Variants in INTS15 observed in about 807,000 individuals in gnomAD.
INTS15 encodes the protein integrator complex subunit 15, also known as uncharacterized protein C7orf26.
the INTS15 span, among the ~76,000 whole-genome samples, chr7:6,598,910 C>T: frequency 3.6e-4 from 54 of 152,092 alleles, no homozygotes; most frequent in African/African-American, 1.3e-3. Flanking sequence ...CCTCAGCCTC[C>T]TGAATAGCTG....
the INTS15 span, among the ~76,000 whole-genome samples, chr7:6,599,264 G>T: frequency 6.6e-6 from 1 of 152,160 alleles, no homozygotes. Context: ...GTTCTTCTCT[G>T]TCTGGGCCAC....
At chr7:6,607,822 C>T in the INTS15 span, 2,008 of 1,499,528 alleles carry the variant, frequency 1.3e-3, 9 homozygotes, top group Middle Eastern at 0.012. This position sits in a 1 kb window ranked among gnomAD's most constrained non-coding sequence, Gnocchi z 6.0. Flanking sequence ...CCGTGTCCAC[C>T]GCCTGGACCC....
At chr7:6,593,224 T>C in the INTS15 span, among the ~76,000 whole-genome samples, 69 of 152,218 alleles carry the variant, frequency 4.5e-4, 1 homozygote, top group East Asian at 0.012. Context: ...TTCCTTCTAG[T>C]GCAAGAACAG....
the INTS15 span, chr7:6,602,837 C>T: frequency 5.2e-5 from 23 of 441,880 alleles, no homozygotes; most frequent in African/African-American, 3.0e-4. Flanking sequence ...GGTCAGCTTC[C>T]CTGCCTTCTG....
chr7:6,607,865 C>G, the INTS15 span: 8 of 1,548,638 alleles, frequency 5.2e-6, no homozygotes, highest in Non-Finnish European at 6.9e-6. The surrounding 1 kb of genome is among the most constrained non-coding windows in gnomAD (Gnocchi z 6.0). Context: ...GGTGCCTCTC[C>G]TGGGCGGGGT....
the INTS15 span, among the ~76,000 whole-genome samples, chr7:6,595,679 A>C: frequency 1.3e-5 from 2 of 151,732 alleles, no homozygotes; most frequent in African/African-American, 4.8e-5. Context: ...ACTTTCTTTA[A>C]TTTTTTTTAC....
At chr7:6,590,672 G>C in the INTS15 span, among the ~76,000 whole-genome samples, 1 of 152,206 alleles carries the variant, frequency 6.6e-6, no homozygotes, top group Non-Finnish European at 1.5e-5. Context: ...TCCAGTCTGC[G>C]GGGCGTGTGA....
chr7:6,590,408 A>G, the INTS15 span: 3 of 1,606,072 alleles, frequency 1.9e-6, no homozygotes, highest in Non-Finnish European at 2.5e-6. Flanking sequence ...ATCGTGGACA[A>G]GGGCCCCGTG....
At chr7:6,604,049 G>T in the INTS15 span, among the ~76,000 whole-genome samples, 2 of 152,040 alleles carry the variant, frequency 1.3e-5, no homozygotes, top group South Asian at 4.1e-4. Context: ...ACTAGTACTT[G>T]GCCTGTAGTG....
chr7:6,597,299 GTT>G, the INTS15 span, among the ~76,000 whole-genome samples: 24 of 142,978 alleles, frequency 1.7e-4, no homozygotes, highest in African/African-American at 5.9e-4. Flanking sequence ...TGGCTTTTTG[GTT>G]TTTTTTTTTT....
the INTS15 span, among the ~76,000 whole-genome samples, chr7:6,596,821 C>G: frequency 6.6e-6 from 1 of 150,580 alleles, no homozygotes; most frequent in African/African-American, 2.4e-5. Context: ...CTCGCTCTGT[C>G]GCCCAGGCTG....
At chr7:6,603,460 C>T in the INTS15 span, among the ~76,000 whole-genome samples, 51 of 147,966 alleles carry the variant, frequency 3.4e-4, no homozygotes, top group African/African-American at 1.3e-3. Flanking sequence ...GGCTGGAGAA[C>T]CACTTGAACC....
chr7:6,606,283 C>A, the INTS15 span, among the ~76,000 whole-genome samples: 1 of 152,224 alleles, frequency 6.6e-6, no homozygotes, highest in Non-Finnish European at 1.5e-5. Flanking sequence ...TGTTTACTGC[C>A]TCAGCCCCTC....
chr7:6,594,281 C>A, the INTS15 span: 1 of 711,628 alleles, frequency 1.4e-6, no homozygotes, highest in Non-Finnish European at 2.3e-6. Flanking sequence ...GTTGGGATTA[C>A]AGATATGAGC....
At chr7:6,593,261 C>T in the INTS15 span, among the ~76,000 whole-genome samples, 2 of 151,658 alleles carry the variant, frequency 1.3e-5, no homozygotes, top group African/African-American at 2.4e-5. Context: ...AACGAATAAG[C>T]GCGATCACGT....
At chr7:6,598,746 T>TGC in the INTS15 span, among the ~76,000 whole-genome samples, 1 of 96,562 alleles carries the variant, frequency 1.0e-5, no homozygotes, top group African/African-American at 6.3e-5. Flanking sequence ...TGTGTGTGTG[T>TGC]GTGTGTGTGT....
the INTS15 span, chr7:6,601,970 T>C: frequency 1.2e-6 from 1 of 812,828 alleles, no homozygotes; most frequent in Non-Finnish European, 2.1e-6. Context: ...ACTCAGTTTC[T>C]AAATGACACT....
At chr7:6,598,778 TGTGTGTGTA>T in the INTS15 span, among the ~76,000 whole-genome samples, 509 of 99,546 alleles carry the variant, frequency 5.1e-3, 6 homozygotes, top group African/African-American at 0.028. Flanking sequence ...TGTGTGTGTG[TGTGTGTGTA>T]TTTTTTTTTT....
At chr7:6,597,272 A>G in the INTS15 span, among the ~76,000 whole-genome samples, 1 of 150,560 alleles carries the variant, frequency 6.6e-6, no homozygotes, top group East Asian at 1.9e-4. Context: ...CACTGAACCC[A>G]GCTATGGTAT....
Sources: allele counts gnomAD v4.1 joint callset (sites outside exome capture counted in the v4.1 genomes callset), GRCh38; gene constraint gnomAD v4.1.1; non-coding constraint Gnocchi (gnomAD v3.1); transcripts MANE v1.5; gene names NCBI Gene and HGNC (gene_info 2026-07-23, HGNC 2026-07-21).